Variants in TRPM5 observed in about 807,000 individuals in gnomAD.
The protein encoded by TRPM5 is MLSN1 and TRP-related.
Under a neutral mutation model 124.9 loss-of-function variants are expected in TRPM5, and 121 were observed. The ratio of observed to expected loss-of-function variants is 0.97; its 90% CI spans 0.84 to 1.13. TRPM5 has a LOEUF of 1.13. Among genes scored for constraint, TRPM5 ranks in the 50% most tolerant of loss-of-function variants. The probability of loss-of-function intolerance (pLI) is 0.00; values close to 1 mark genes in which losing one functional copy is unlikely to be tolerated. For missense variants in TRPM5, 1,643 were observed against 1,589.1 expected (o/e 1.03, Z -0.58); for synonymous variants, 781 against 700.5 (o/e 1.11, Z -1.81).
chr11:2,404,269 C>A (rs1565003893), downstream of TRPM5, among the ~76,000 whole-genome samples: 1 of 152,158 alleles, frequency 6.6e-6, no homozygotes. Context: ...AGCCTGGGGT[C>A]CAGTTTTATC....
the TRPM5 span, among the ~76,000 whole-genome samples, chr11:2,442,199 A>T: frequency 6.6e-6 from 1 of 152,186 alleles, no homozygotes; most frequent in Non-Finnish European, 1.5e-5. The surrounding 1 kb of genome is among the most constrained non-coding windows in gnomAD (Gnocchi z 5.9). Flanking sequence ...CCCTTCTCAA[A>T]CTTGACAATG....
the TRPM5 span, among the ~76,000 whole-genome samples, chr11:2,434,055 C>T: frequency 8.2e-3 from 1,144 of 139,150 alleles, 3 homozygotes; most frequent in Non-Finnish European, 0.014. Flanking sequence ...ACGCAGTGTG[C>T]GCGTGCATGT....
At chr11:2,426,033 C>T (rs190972181), upstream of TRPM5, among the ~76,000 whole-genome samples, 47 of 152,268 alleles carry the variant, frequency 3.1e-4, no homozygotes, top group East Asian at 7.5e-3. Context: ...ATAGGACATC[C>T]GGGAGTACCC....
upstream of TRPM5, among the ~76,000 whole-genome samples, chr11:2,424,195 G>C (rs189320393): frequency 2.0e-5 from 3 of 152,378 alleles, no homozygotes; most frequent in East Asian, 5.8e-4. Context: ...GAAGCCCTTT[G>C]TGAGAAGACA....
At chr11:2,426,402 C>T (rs1274590471), upstream of TRPM5, among the ~76,000 whole-genome samples, 1 of 152,138 alleles carries the variant, frequency 6.6e-6, no homozygotes, top group African/African-American at 2.4e-5. Context: ...CTGGGATTTG[C>T]ATGAGCAGGT....
At chr11:2,444,242 G>A in the TRPM5 span, among the ~76,000 whole-genome samples, 1,168 of 152,272 alleles carry the variant, frequency 7.7e-3, 10 homozygotes, top group Non-Finnish European at 9.2e-3. Context: ...CGCAGCTCGC[G>A]CGCCTGGGCA....
At chr11:2,429,008 T>G in the TRPM5 span, among the ~76,000 whole-genome samples, 1 of 151,012 alleles carries the variant, frequency 6.6e-6, no homozygotes. This position sits in a 1 kb window ranked among gnomAD's most constrained non-coding sequence, Gnocchi z 8.4. Context: ...GGGATGGTGG[T>G]GGTGATAATG....
chr11:2,414,012 C>CCCCCCCCCCCCCCCCCCCCCA, intron 12 of TRPM5, 49 bp downstream of exon 17: 1 of 498,164 alleles, frequency 2.0e-6, no homozygotes, highest in Non-Finnish European at 3.9e-6. Flanking sequence ...CCAGCTCGCC[C>CCCCCCCCCCCCCCCCCCCCCA]GCCCACCCCA....
intron 15 of TRPM5, 40 bp from the exon 21 acceptor site, chr11:2,412,293 C>T (rs373973471): frequency 5.4e-5 from 81 of 1,495,688 alleles, no homozygotes; most frequent in Admixed American, 2.3e-4. Context: ...GCTGTCCAGC[C>T]GCCCTCGCTG....
chr11:2,425,913 T>C (rs1437999696), upstream of TRPM5, among the ~76,000 whole-genome samples: 4 of 152,144 alleles, frequency 2.6e-5, no homozygotes, highest in East Asian at 1.9e-4. Context: ...CCTTCGTCCC[T>C]GGTGGGGAAG....
chr11:2,412,645 T>G, intron 15 of TRPM5, 109 bp downstream of exon 20: 1 of 1,229,570 alleles, frequency 8.1e-7, no homozygotes, highest in Non-Finnish European at 1.1e-6. Context: ...CCCCATGCTG[T>G]TCTTGTTTTA....
chr11:2,443,214 G>A, the TRPM5 span, among the ~76,000 whole-genome samples: 36 of 152,136 alleles, frequency 2.4e-4, no homozygotes, highest in Non-Finnish European at 4.0e-4. The surrounding 1 kb of genome is among the most constrained non-coding windows in gnomAD (Gnocchi z 5.0). Flanking sequence ...TCTCGTGTGC[G>A]GTGAGATGGA....
At chr11:2,406,920 G>A (rs1411467325) in intron 20 of TRPM5, 127 bp from the exon 26 acceptor site, 3 of 1,416,420 alleles carry the variant, frequency 2.1e-6, no homozygotes, top group African/African-American at 2.9e-5. Context: ...GGGATGGAGG[G>A]CAAGCATGGC....
rs1464482017 is a variant in TRPM5 at position 2,421,198 on chromosome 11, C to T, written c.299G>A (p.Gly100Glu). ...GAGGGCACTGGTCAGGATCCAGGCT[C>T]CTGTGGGGATGGAAGAGGGCCTCGT... The change falls in exon 3 of 24, where the codon GGA becomes GAA. Residue 100 changes from glycine (G) to glutamate (E), a missense_variant and splice_region_variant. Gly to Glu is a moderately conservative substitution (Grantham distance 98, BLOSUM62 -2). Coordinates refer to ENST00000155858, the Ensembl canonical transcript of TRPM5. The T allele has an allele frequency of 2.0e-6, 3 of 1,536,036 alleles. No individual in the cohort carries two copies. In the South Asian group the frequency reaches 3.6e-5, roughly 18 times the overall value.
At chr11:2,432,138 G>A in the TRPM5 span, among the ~76,000 whole-genome samples, 16 of 152,214 alleles carry the variant, frequency 1.1e-4, no homozygotes, top group Non-Finnish European at 1.8e-4. Flanking sequence ...CTGTCTGCCC[G>A]CTCTAGCCAT....
rs373733489 is a variant in TRPM5 at position 2,413,019 on chromosome 11, C to T, written c.2097-7G>A. ...CTCCACCAGCTCCTCCACCCTGTGC[C>T]GCAGAGAAGTTCGCAGTGGTGAGGC... On this transcript the variant is annotated splice_polypyrimidine_tract_variant and splice_region_variant and intron_variant, in intron 14 of 23. Transcript: ENST00000155858. 62 of 1,599,230 alleles carry T rather than the reference C, an allele frequency of 3.9e-5. 1 individual carries two copies. The Middle Eastern group carries it at 5.0e-4, about 13-fold the overall frequency.
chr11:2,409,909 G>T (rs775310250), intron 18 of TRPM5, among the ~76,000 whole-genome samples: 1 of 152,174 alleles, frequency 6.6e-6, no homozygotes, highest in Non-Finnish European at 1.5e-5. Context: ...TTCTCCCGTC[G>T]AGAAGGAGGC....
At chr11:2,416,498 C>A (rs1451783620) in intron 7 of TRPM5, among the ~76,000 whole-genome samples, 2 of 152,216 alleles carry the variant, frequency 1.3e-5, no homozygotes, top group East Asian at 3.9e-4. Context: ...GCTGTCCTCA[C>A]CAGACTCGCA....
At chr11:2,439,239 G>A in the TRPM5 span, among the ~76,000 whole-genome samples, 17 of 152,236 alleles carry the variant, frequency 1.1e-4, no homozygotes, top group African/African-American at 1.9e-4. Flanking sequence ...AGAAAACATC[G>A]GAAATACCAT....
Sources: allele counts gnomAD v4.1 joint callset (sites outside exome capture counted in the v4.1 genomes callset), GRCh38; gene constraint gnomAD v4.1.1; non-coding constraint Gnocchi (gnomAD v3.1); transcripts MANE v1.5; gene names NCBI Gene and HGNC (gene_info 2026-07-23, HGNC 2026-07-21).